The following EYS variants were observed in gnomAD, a reference collection of about 807,000 sequenced individuals.
EYS encodes the protein EGF-like photoreceptor maintenance factor.
EYS carries 250 observed loss-of-function variants against 282.1 expected under a neutral mutation model. That is an observed-to-expected ratio of 0.89 (90% CI 0.80 to 0.98). The LOEUF is 0.98. EYS is among the 50% of genes least tolerant of loss of function. The pLI, the probability that EYS is intolerant of heterozygous loss-of-function variation, is 0.00. For synonymous variants in EYS, 1,355 were observed against 1,282.9 expected (o/e 1.06, Z -1.20); for missense variants, 4,016 against 3,709.0 (o/e 1.08, Z -2.15).
chr6:64,085,365 C>CACACACACACACAG (rs1387125321), intron 31 of EYS, among the ~76,000 whole-genome samples: 1 of 151,674 alleles, frequency 6.6e-6, no homozygotes, highest in Non-Finnish European at 1.5e-5. Context: ...CACACACACA[C>CACACACACACACAG]AGTGCTGCTT....
At chr6:65,267,132 G>A in intron 12 of EYS, among the ~76,000 whole-genome samples, 1 of 151,598 alleles carries the variant, frequency 6.6e-6, no homozygotes, top group East Asian at 1.9e-4. Context: ...AAGCATGTGT[G>A]ATCCTGAAGA....
chr6:64,929,740 T>C (rs1331809900), intron 15 of EYS, among the ~76,000 whole-genome samples: 3 of 152,094 alleles, frequency 2.0e-5, no homozygotes, highest in Non-Finnish European at 4.4e-5. Flanking sequence ...TTGTTAAACC[T>C]TGGGAACTGA....
rs1328818930 is a variant in EYS, at chr6:63,806,343, C to T, written c.7258G>A (p.Gly2420Ser). 28 of 1,549,216 alleles carry T rather than the reference C, an allele frequency of 1.8e-5. No homozygotes were observed. Among genetic ancestry groups the T allele is most frequent in the Non-Finnish European group, 2.4e-5 (28 of 1,145,442 alleles). ...AINITQPRFS[G>S]TDAFGYTSFL... ...GAGGTGTATCCAAAGGCATCTGTGC[C>T]ACTGAACCTTGGCTGAGTAATATTA... The change falls in exon 37 of 43, where the codon GGC (glycine) becomes AGC (serine). Residue 2420 changes from glycine (G) to serine (S), a missense_variant. Transcript: ENST00000503581.
intron 33 of EYS, among the ~76,000 whole-genome samples, chr6:64,020,116 CAGTT>C (rs974208956): frequency 2.6e-5 from 4 of 152,012 alleles, no homozygotes; most frequent in African/African-American, 7.2e-5. Flanking sequence ...AGAGTAATAA[CAGTT>C]AGGTAGAAGG....
intron 29 of EYS, among the ~76,000 whole-genome samples, chr6:64,326,661 C>T (rs902940808): frequency 6.6e-6 from 1 of 152,092 alleles, no homozygotes; most frequent in Non-Finnish European, 1.5e-5. Context: ...TTTCTGTCTC[C>T]TTTACCTGTG....
chr6:64,462,933 T>G (rs1365025422), intron 26 of EYS, among the ~76,000 whole-genome samples: 2 of 148,928 alleles, frequency 1.3e-5, no homozygotes, highest in East Asian at 4.0e-4. Context: ...TAGCTTATTC[T>G]CAGCTTTAAT....
intron 27 of EYS, among the ~76,000 whole-genome samples, chr6:64,438,761 T>A (rs1015159809): frequency 3.3e-5 from 5 of 151,728 alleles, no homozygotes; most frequent in African/African-American, 1.2e-4. Context: ...TTTCTCCGTA[T>A]AGTATATGAG....
At chr6:65,007,708 A>C (rs1279561013) in intron 13 of EYS, among the ~76,000 whole-genome samples, 2 of 152,084 alleles carry the variant, frequency 1.3e-5, no homozygotes, top group Non-Finnish European at 2.9e-5. Context: ...CAATTAACCA[A>C]AGAGTGCCAA....
At chr6:65,031,014 A>G (rs1311078032) in intron 13 of EYS, among the ~76,000 whole-genome samples, 1 of 151,990 alleles carries the variant, frequency 6.6e-6, no homozygotes, top group Non-Finnish European at 1.5e-5. Context: ...AATTTCAGAC[A>G]AAACAGATTT....
At chr6:64,580,949 GA>G (rs150791406) in intron 26 of EYS, among the ~76,000 whole-genome samples, 14,968 of 152,102 alleles carry the variant, frequency 0.098, 912 homozygotes, top group East Asian at 0.17. Flanking sequence ...ATGAATCAGG[GA>G]AAAGGAAATA....
intron 22 of EYS, among the ~76,000 whole-genome samples, chr6:64,703,382 GACACACAC>G (rs1165808043): frequency 2.8e-5 from 1 of 35,892 alleles, no homozygotes; most frequent in African/African-American, 7.6e-5. Flanking sequence ...CACACACACA[GACACACAC>G]ACACACACAC....
intron 12 of EYS, among the ~76,000 whole-genome samples, chr6:65,288,043 T>C (rs1056890238): frequency 6.6e-6 from 1 of 151,252 alleles, no homozygotes; most frequent in Non-Finnish European, 1.5e-5. Context: ...ATTCTACTAA[T>C]AGGACTAAAT....
chr6:63,865,358 C>T (rs893737874), intron 35 of EYS, among the ~76,000 whole-genome samples: 1 of 152,136 alleles, frequency 6.6e-6, no homozygotes, highest in African/African-American at 2.4e-5. Context: ...CTAGCCAGTA[C>T]TCTGTAGTTA....
At chr6:65,453,658 T>C (rs780635014) in intron 5 of EYS, among the ~76,000 whole-genome samples, 2 of 151,996 alleles carry the variant, frequency 1.3e-5, no homozygotes, top group Admixed American at 6.6e-5. Context: ...TTGACCAAGC[T>C]CTCCTCAACC....
At chr6:64,223,550 T>C (rs542162062) in intron 31 of EYS, among the ~76,000 whole-genome samples, 2 of 152,178 alleles carry the variant, frequency 1.3e-5, no homozygotes, top group African/African-American at 2.4e-5. Context: ...ATTTTCTGTA[T>C]GGACCTTGTA....
At chr6:65,524,974 A>C (rs1427033924) in intron 2 of EYS, among the ~76,000 whole-genome samples, 1 of 152,140 alleles carries the variant, frequency 6.6e-6, no homozygotes, top group Non-Finnish European at 1.5e-5. Context: ...TAGCCAGGTC[A>C]ACCATGGTGA....
intron 29 of EYS, among the ~76,000 whole-genome samples, chr6:64,327,363 C>A (rs1195651499): frequency 4.6e-5 from 7 of 151,466 alleles, no homozygotes. Context: ...GTATCAAAGC[C>A]TACTCCACTG....
intron 31 of EYS, among the ~76,000 whole-genome samples, chr6:64,167,454 T>A (rs945710797): frequency 6.6e-6 from 1 of 152,046 alleles, no homozygotes; most frequent in African/African-American, 2.4e-5. Context: ...TTGGCTTTTT[T>A]TCTTTCAAAT....
chr6:64,903,316 G>T (rs1767723680), intron 16 of EYS, among the ~76,000 whole-genome samples: 3 of 152,060 alleles, frequency 2.0e-5, no homozygotes, highest in African/African-American at 7.2e-5. Flanking sequence ...CTAAATAAGT[G>T]CAGCCACATT....
Sources: allele counts gnomAD v4.1 joint callset (sites outside exome capture counted in the v4.1 genomes callset), GRCh38; gene constraint gnomAD v4.1.1; transcripts MANE v1.5; gene names NCBI Gene and HGNC (gene_info 2026-07-23, HGNC 2026-07-21).